The following KCNIP4 variants were observed in gnomAD, a reference collection of about 807,000 sequenced individuals.
KCNIP4 encodes potassium voltage-gated channel interacting protein 4.
Under a neutral mutation model 34.0 loss-of-function variants are expected in KCNIP4, and 12 were observed. The ratio of observed to expected loss-of-function variants is 0.35; its 90% CI spans 0.23 to 0.57. The LOEUF (loss-of-function observed/expected upper bound fraction) is 0.57, where lower values mean the gene tolerates loss of function less well. Among genes scored for constraint, KCNIP4 ranks in the 20% least tolerant of loss-of-function variants. KCNIP4 has a pLI of 0.83. For missense variants in KCNIP4, 238 were observed against 311.7 expected, an observed-to-expected ratio of 0.76 and a Z score of 1.78; for synonymous variants, 124 against 102.2, an observed-to-expected ratio of 1.21 and a Z score of -1.29.
intron 1 of KCNIP4, among the ~76,000 whole-genome samples, chr4:21,238,393 G>C (rs1759538705): frequency 6.6e-6 from 1 of 152,140 alleles, no homozygotes; most frequent in South Asian, 2.1e-4. Context: ...AATCAGGCAG[G>C]AGAAGGAAAT....
chr4:20,864,887 C>G (rs1722713420), intron 2 of KCNIP4, among the ~76,000 whole-genome samples: 1 of 152,034 alleles, frequency 6.6e-6, no homozygotes, highest in African/African-American at 2.4e-5. Context: ...GCCTCAGTAT[C>G]TTTTATGGAT....
chr4:21,494,835 T>A (rs898216483), intron 1 of KCNIP4, among the ~76,000 whole-genome samples: 2 of 151,970 alleles, frequency 1.3e-5, no homozygotes, highest in Admixed American at 6.6e-5. Context: ...TGTTATAGAT[T>A]TATTTGAAAA....
chr4:21,527,657 A>G (rs568981073), intron 1 of KCNIP4, among the ~76,000 whole-genome samples: 5 of 152,236 alleles, frequency 3.3e-5, no homozygotes, highest in Non-Finnish European at 7.3e-5. Flanking sequence ...TAGCTGTTAC[A>G]GACGTAAAAT....
chr4:20,784,288 A>T (rs1341308082), intron 3 of KCNIP4, among the ~76,000 whole-genome samples: 1 of 152,166 alleles, frequency 6.6e-6, no homozygotes, highest in East Asian at 1.9e-4. Context: ...ACTGAGGCAA[A>T]GAATGTTAAA....
At chr4:21,413,448 C>T (rs1371746628) in intron 1 of KCNIP4, among the ~76,000 whole-genome samples, 1 of 152,134 alleles carries the variant, frequency 6.6e-6, no homozygotes, top group African/African-American at 2.4e-5. Flanking sequence ...ACTGAAAGCA[C>T]CTTAAAAAAA....
intron 1 of KCNIP4, among the ~76,000 whole-genome samples, chr4:21,553,516 C>A (rs375451356): frequency 2.9e-4 from 44 of 152,136 alleles, no homozygotes; most frequent in African/African-American, 1.0e-3. Flanking sequence ...CCTTTTAAGA[C>A]GCACTTTTCT....
chr4:21,138,519 T>A (rs533732735), intron 1 of KCNIP4, among the ~76,000 whole-genome samples: 2 of 118,418 alleles, frequency 1.7e-5, no homozygotes, highest in East Asian at 2.1e-4. Context: ...GGCACTTCTT[T>A]CTTTTTCTTC....
At chr4:21,705,578 G>T (rs745551230) in intron 1 of KCNIP4, among the ~76,000 whole-genome samples, 5 of 152,096 alleles carry the variant, frequency 3.3e-5, no homozygotes, top group Non-Finnish European at 5.9e-5. Context: ...TTATAATGGG[G>T]AACGGGGAAA....
intron 1 of KCNIP4, among the ~76,000 whole-genome samples, chr4:20,996,060 A>C (rs539448696): frequency 6.6e-6 from 1 of 152,230 alleles, no homozygotes; most frequent in Non-Finnish European, 1.5e-5. Flanking sequence ...TCATTCCTTT[A>C]ATGAGTCAAT....
At chr4:21,187,971 G>T (rs1755364385) in intron 1 of KCNIP4, among the ~76,000 whole-genome samples, 1 of 152,144 alleles carries the variant, frequency 6.6e-6, no homozygotes, top group African/African-American at 2.4e-5. Flanking sequence ...TCTGTCAAAT[G>T]GGTCTAACTA....
At chr4:21,914,281 C>T (rs933385924) in intron 1 of KCNIP4, among the ~76,000 whole-genome samples, 2 of 152,050 alleles carry the variant, frequency 1.3e-5, no homozygotes, top group African/African-American at 4.8e-5. Flanking sequence ...TGAGAGATAT[C>T]AAGTATGTAG....
chr4:21,514,317 T>C (rs1577498568), intron 1 of KCNIP4, among the ~76,000 whole-genome samples: 1 of 152,142 alleles, frequency 6.6e-6, no homozygotes, highest in Non-Finnish European at 1.5e-5. Flanking sequence ...GGAGTGAACA[T>C]GTTCAGTTCA....
chr4:21,945,445 G>T (rs559031970), intron 1 of KCNIP4, among the ~76,000 whole-genome samples: 106 of 152,220 alleles, frequency 7.0e-4, no homozygotes, highest in African/African-American at 2.4e-3. Context: ...AGAATAAATG[G>T]ATTTTTCAAT....
At chr4:20,736,165 A>G (rs764788867) in intron 5 of KCNIP4, among the ~76,000 whole-genome samples, 26 of 152,130 alleles carry the variant, frequency 1.7e-4, no homozygotes, top group Non-Finnish European at 2.8e-4. Context: ...AATAGTTTGT[A>G]TTTACTTCCA....
In KCNIP4 at chr4:21,937,996, A is replaced by C. The variant is rs189332527; in HGVS notation, c.61+10575T>G. ...CACATCTTGACCGTGACTACTGTCC[A>C]GCTTCCCATCTCATAGTTTTCTTCT... is the stretch of plus-strand genomic sequence containing the variant. On this transcript the variant is annotated intron_variant, in intron 1 of 8. Coordinates refer to ENST00000382152, the MANE Select transcript of KCNIP4 (RefSeq NM_025221.6). 3.9e-5 allele frequency among the ~76,000 whole-genome samples: 6 copies of C among 152,254 alleles called. No homozygotes were observed. The East Asian group carries it at 9.7e-4, about 25-fold the overall frequency.
intron 1 of KCNIP4, among the ~76,000 whole-genome samples, chr4:21,530,954 A>C (rs955181025): frequency 2.6e-5 from 4 of 152,168 alleles, no homozygotes; most frequent in African/African-American, 9.7e-5. Context: ...AGCAAAGGCC[A>C]CAGGGTTGGT....
At position 20,868,027 on chromosome 4, in the gene KCNIP4, A is replaced by T. The variant is rs202241271; in HGVS notation, c.163+14581T>A. Among the ~76,000 whole-genome samples, 255 of 120,680 alleles carry T rather than the reference A, an allele frequency of 2.1e-3. 4 individuals are homozygous for T. The East Asian group carries it at 0.046, about 22-fold the overall frequency. 79.2% of individuals were successfully genotyped at this position (120,680 alleles called of 152,430 possible). ...AAAACTTAAAGTATAATAATAATAA[A>T]AAAAAGAAGCTATCAACAAAGCCAA... On this transcript the variant is annotated intron_variant, in intron 2 of 8. Transcript: ENST00000382152.
chr4:21,867,392 G>A (rs1306928863), intron 1 of KCNIP4, among the ~76,000 whole-genome samples: 8 of 152,190 alleles, frequency 5.3e-5, no homozygotes, highest in Non-Finnish European at 8.8e-5. Flanking sequence ...TGCTCATAAA[G>A]TCTTGATATG....
chr4:21,776,020 G>T (rs1232674634), intron 1 of KCNIP4, among the ~76,000 whole-genome samples: 1 of 152,216 alleles, frequency 6.6e-6, no homozygotes, highest in African/African-American at 2.4e-5. Flanking sequence ...CAGCTGAGAG[G>T]CTGCAAGAAT....
Sources: gnomAD v4.1 joint callset for allele counts (sites outside exome capture counted in the v4.1 genomes callset) on GRCh38, gnomAD v4.1.1 for gene constraint, MANE v1.5 for transcripts, NCBI Gene and HGNC (gene_info 2026-07-23, HGNC 2026-07-21) for gene names.